The following SCFD2 variants were observed in gnomAD, a reference collection of about 807,000 sequenced individuals.
The protein encoded by SCFD2 is sec1 family domain containing 2.
SCFD2 carries 54 observed loss-of-function variants against 58.9 expected under a neutral mutation model. The ratio of observed to expected loss-of-function variants is 0.92; its 90% confidence interval spans 0.74 to 1.15. The LOEUF (loss-of-function observed/expected upper bound fraction) is 1.15, where lower values mean the gene tolerates loss of function less well. SCFD2 is among the 50% of genes most tolerant of loss of function. The pLI is 0.00. For missense variants in SCFD2, 805 were observed against 836.6 expected (o/e 0.96, Z 0.47); for synonymous variants, 321 against 335.9 (o/e 0.96, Z 0.49).
At chr4:52,937,767 C>G (rs1720180583) in intron 5 of SCFD2, among the ~76,000 whole-genome samples, 2 of 152,064 alleles carry the variant, frequency 1.3e-5, no homozygotes, top group African/African-American at 4.8e-5. Context: ...ACATGGGCAC[C>G]TCTGCTGGAT....
At chr4:53,098,450 G>A (rs1724729594) in intron 5 of SCFD2, among the ~76,000 whole-genome samples, 1 of 152,182 alleles carries the variant, frequency 6.6e-6, no homozygotes, top group Non-Finnish European at 1.5e-5. Flanking sequence ...CTTGGAGGGT[G>A]TATGTGTCCA....
chr4:53,165,601 T>C (rs1369108471), intron 4 of SCFD2, among the ~76,000 whole-genome samples: 3 of 152,162 alleles, frequency 2.0e-5, no homozygotes, highest in African/African-American at 7.2e-5. Context: ...CTGGCCTCCA[T>C]TCACCCAATT....
chr4:53,323,557 ACT>A (rs1491551284), intron 2 of SCFD2, among the ~76,000 whole-genome samples: 3 of 42,720 alleles, frequency 7.0e-5, no homozygotes, highest in Non-Finnish European at 1.4e-4. Context: ...TTTTTTTTTT[ACT>A]TTTTGCGGAG....
chr4:53,152,470 T>C (rs1726540171), intron 4 of SCFD2, among the ~76,000 whole-genome samples: 1 of 152,226 alleles, frequency 6.6e-6, no homozygotes, highest in Admixed American at 6.5e-5. Flanking sequence ...TAAACACTAT[T>C]AAAACCTGTT....
At chr4:53,002,700 G>A (rs1721889560) in intron 5 of SCFD2, among the ~76,000 whole-genome samples, 1 of 152,132 alleles carries the variant, frequency 6.6e-6, no homozygotes, top group African/African-American at 2.4e-5. Context: ...AAACAAATGG[G>A]TCTCTACTAC....
chr4:52,941,705 C>T (rs1553910218), intron 5 of SCFD2, among the ~76,000 whole-genome samples: 1 of 152,210 alleles, frequency 6.6e-6, no homozygotes, highest in Non-Finnish European at 1.5e-5. Flanking sequence ...AGGGCCTGCC[C>T]TGATAGGGAT....
intron 4 of SCFD2, among the ~76,000 whole-genome samples, chr4:53,211,168 G>A (rs930841573): frequency 1.4e-4 from 21 of 151,712 alleles, no homozygotes; most frequent in Admixed American, 1.1e-3. Flanking sequence ...GTTTGAACCC[G>A]GGGGGCGGAG....
intron 2 of SCFD2, among the ~76,000 whole-genome samples, chr4:53,324,158 T>C (rs1733107899): frequency 6.6e-6 from 1 of 152,108 alleles, no homozygotes; most frequent in Admixed American, 6.5e-5. Context: ...GGCTCACACC[T>C]ATAATCCTAG....
chr4:53,208,565 T>C (rs1162507095), intron 4 of SCFD2, among the ~76,000 whole-genome samples: 2 of 152,180 alleles, frequency 1.3e-5, no homozygotes, highest in Non-Finnish European at 2.9e-5. Flanking sequence ...GTGGCAAAGC[T>C]GGTGTGCATA....
intron 2 of SCFD2, among the ~76,000 whole-genome samples, chr4:53,341,164 A>G (rs1361273818): frequency 1.3e-5 from 2 of 152,224 alleles, no homozygotes; most frequent in Non-Finnish European, 2.9e-5. Flanking sequence ...TCTCCAAGCT[A>G]AAGGAGGATG....
intron 4 of SCFD2, among the ~76,000 whole-genome samples, chr4:53,205,278 C>T (rs1448101113): frequency 6.6e-6 from 1 of 152,020 alleles, no homozygotes; most frequent in Non-Finnish European, 1.5e-5. Context: ...TGCCACTGTC[C>T]CATTTACCTC....
intron 5 of SCFD2, among the ~76,000 whole-genome samples, chr4:52,939,536 A>T (rs1275078766): frequency 1.3e-5 from 2 of 152,196 alleles, no homozygotes; most frequent in Non-Finnish European, 2.9e-5. Flanking sequence ...CAAAAGGGAT[A>T]AGATGCTTAC....
chr4:52,979,558 A>T lies in SCFD2; in HGVS notation c.1562-58688T>A, dbSNP rs145588245. Among the ~76,000 whole-genome samples, 156 of 152,260 alleles carry T rather than the reference A, an allele frequency of 1.0e-3. 1 individual carries two copies. The East Asian group carries it at 0.026, about 25-fold the overall frequency. On this transcript the variant is annotated intron_variant, in intron 5 of 8. Transcript: ENST00000401642. ...TCTTGCCAAACAGAAGACTGCAATA[A>T]CACAAAATCAACATAGGATTCTGAC... is the stretch of plus-strand genomic sequence containing the variant.
Position 52,907,490 on chromosome 4 carries a change from A to G in SCFD2, c.1809T>C (p.Asp603=). ...ACATGCTAAATCCAGTTTTAAGGAG[A>G]TCAGTGAGGCCTGAAGACATGTGTT... The part of the protein sequence containing the change: ...DIEHMSSGLT[D]LLKTGFSMFM... Residue 603 remains aspartate (D), a synonymous_variant, in exon 7 of 9, where the codon GAT becomes GAC. Transcript: ENST00000401642. The G allele has an allele frequency of 1.2e-6, 2 of 1,614,080 alleles. No individual in the cohort carries two copies. Among genetic ancestry groups the G allele is most frequent in the Non-Finnish European group, 1.7e-6 (2 of 1,179,972 alleles).
intron 5 of SCFD2, among the ~76,000 whole-genome samples, chr4:53,044,251 C>T (rs767818425): frequency 3.2e-4 from 48 of 152,124 alleles, no homozygotes; most frequent in Non-Finnish European, 6.5e-4. Flanking sequence ...GTCTGAGGCT[C>T]TACCTCCCCA....
chr4:53,203,965 G>T (rs1384033353), intron 4 of SCFD2, among the ~76,000 whole-genome samples: 2 of 152,128 alleles, frequency 1.3e-5, no homozygotes, highest in Non-Finnish European at 2.9e-5. Flanking sequence ...ACCAAAAGCT[G>T]ATTGCTGACA....
chr4:53,186,479 T>C (rs1727740240), intron 4 of SCFD2, among the ~76,000 whole-genome samples: 1 of 152,008 alleles, frequency 6.6e-6, no homozygotes, highest in South Asian at 2.1e-4. Context: ...TTGTTGAACT[T>C]ACTTATACTA....
intron 5 of SCFD2, among the ~76,000 whole-genome samples, chr4:53,112,093 T>C (rs1202020413): frequency 2.6e-5 from 4 of 152,152 alleles, no homozygotes; most frequent in Non-Finnish European, 1.5e-5. Context: ...CGGGAATTTT[T>C]ATGTCAATAG....
At chr4:53,267,814 T>C (rs558821471) in intron 4 of SCFD2, among the ~76,000 whole-genome samples, 2 of 152,320 alleles carry the variant, frequency 1.3e-5, no homozygotes, top group Non-Finnish European at 1.5e-5. Flanking sequence ...TCACATCTAA[T>C]AGTCTAAGAG....
Sources: gnomAD v4.1 joint callset for allele counts (sites outside exome capture counted in the v4.1 genomes callset) on GRCh38, gnomAD v4.1.1 for gene constraint, MANE v1.5 for transcripts, NCBI Gene and HGNC (gene_info 2026-07-23, HGNC 2026-07-21) for gene names.